Variants in IMMP2L observed in about 807,000 individuals in gnomAD.
IMMP2L encodes inner mitochondrial membrane peptidase subunit 2, also known as mitochondrial inner membrane protease subunit 2.
IMMP2L carries 18 observed loss-of-function variants against 19.3 expected under a neutral mutation model. That is an observed-to-expected ratio of 0.93 (90% CI 0.64 to 1.38). The LOEUF (loss-of-function observed/expected upper bound fraction) is 1.38. Ranked by LOEUF, IMMP2L falls within the 40% of genes most tolerant of loss-of-function variation. The probability of loss-of-function intolerance (pLI) is 0.00; values close to 1 mark genes in which losing one functional copy is unlikely to be tolerated. For synonymous variants in IMMP2L, 76 were observed against 73.0 expected, an observed-to-expected ratio of 1.04 and a Z score of -0.21; for missense variants, 233 against 218.2, an observed-to-expected ratio of 1.07 and a Z score of -0.43.
At chr7:111,190,039 G>A (rs1808703641) in intron 3 of IMMP2L, among the ~76,000 whole-genome samples, 1 of 152,044 alleles carries the variant, frequency 6.6e-6, no homozygotes, top group African/African-American at 2.4e-5. Context: ...ATGGCCAGTT[G>A]ACAGTATATA....
At chr7:111,351,732 A>G (rs1462059326) in intron 3 of IMMP2L, among the ~76,000 whole-genome samples, 1 of 152,196 alleles carries the variant, frequency 6.6e-6, no homozygotes, top group Non-Finnish European at 1.5e-5. Flanking sequence ...TAATTACATG[A>G]TCATTCTGTT....
At chr7:111,268,862 T>C (rs1818138224) in intron 3 of IMMP2L, among the ~76,000 whole-genome samples, 1 of 152,004 alleles carries the variant, frequency 6.6e-6, no homozygotes, top group South Asian at 2.1e-4. Context: ...AGCCTTCCAA[T>C]ACCTGGGATT....
Position 111,193,246 on chromosome 7 carries a change from G to A in IMMP2L, c.240-229681C>T, listed in dbSNP as rs189166018. 2.6e-5 allele frequency among the ~76,000 whole-genome samples: 4 copies of A among 152,256 alleles called. No individual in the cohort carries two copies. The East Asian group carries it at 5.8e-4, about 22-fold the overall frequency. On this transcript the variant is annotated intron_variant, in intron 3 of 5. Transcript: ENST00000405709. ...TACAAAAGAAAGTCGATGGGTGTCT[G>A]TGCAAGCTCTTGCAGGAAGCAGGGA...
chr7:111,459,860 G>T (rs1266802054), intron 3 of IMMP2L, among the ~76,000 whole-genome samples: 1 of 152,140 alleles, frequency 6.6e-6, no homozygotes, highest in East Asian at 1.9e-4. Context: ...TCATTCCTAA[G>T]AAAGAATATG....
intron 4 of IMMP2L, among the ~76,000 whole-genome samples, chr7:110,926,527 T>C (rs997620521): frequency 4.6e-5 from 7 of 152,148 alleles, no homozygotes; most frequent in African/African-American, 1.7e-4. Context: ...ATCTCTTTCA[T>C]GCCTAAGTCT....
At chr7:111,470,813 C>T (rs545380078) in intron 3 of IMMP2L, among the ~76,000 whole-genome samples, 147 of 150,866 alleles carry the variant, frequency 9.7e-4, no homozygotes, top group African/African-American at 3.5e-3. Context: ...CAGCATGGCA[C>T]ATGTATACAT....
At chr7:111,343,539 C>T (rs1827236190) in intron 3 of IMMP2L, among the ~76,000 whole-genome samples, 1 of 152,078 alleles carries the variant, frequency 6.6e-6, no homozygotes, top group South Asian at 2.1e-4. Flanking sequence ...GTGCTTCACT[C>T]CTTCAGCAAC....
At chr7:111,214,618 G>A (rs1811734418) in intron 3 of IMMP2L, among the ~76,000 whole-genome samples, 1 of 149,472 alleles carries the variant, frequency 6.7e-6, no homozygotes, top group African/African-American at 2.5e-5. Context: ...CTCCCAAAGT[G>A]CAGGGATTAC....
intron 3 of IMMP2L, among the ~76,000 whole-genome samples, chr7:111,202,446 G>A (rs1810247347): frequency 6.6e-6 from 1 of 152,092 alleles, no homozygotes; most frequent in South Asian, 2.1e-4. Context: ...TCCCATGGAG[G>A]CCTATCATTT....
chr7:111,202,013 T>C (rs1451508208), intron 3 of IMMP2L, among the ~76,000 whole-genome samples: 1 of 152,160 alleles, frequency 6.6e-6, no homozygotes, highest in Non-Finnish European at 1.5e-5. Flanking sequence ...CAAATAGATA[T>C]TAACCAAGCC....
chr7:111,123,994 C>T lies in IMMP2L; in HGVS notation c.240-160429G>A, dbSNP rs753308110. On this transcript the variant is annotated intron_variant, in intron 3 of 5. Coordinates refer to ENST00000405709, the MANE Select transcript of IMMP2L (RefSeq NM_032549.4). The surrounding 1 kb of genome is among the most constrained non-coding windows in gnomAD (Gnocchi z 6.4). ...ACCTGAATTCCAAGGTCAGAATGTT[C>T]GGCAAGTGCATTTCAGGGACATGAT... 33 of 1,613,848 alleles carry T rather than the reference C, an allele frequency of 2.0e-5. No individual in the cohort carries two copies. The highest frequency in any genetic ancestry group is 4.5e-5 in the East Asian group (2 of 44,872).
chr7:111,016,886 T>TATAATATATTAC (rs1825735003), intron 3 of IMMP2L, among the ~76,000 whole-genome samples: 1 of 90,394 alleles, frequency 1.1e-5, no homozygotes, highest in Non-Finnish European at 2.0e-5. Flanking sequence ...ATATATATTA[T>TATAATATATTAC]ATATAATATA....
intron 3 of IMMP2L, among the ~76,000 whole-genome samples, chr7:111,378,091 TA>T (rs201887133): frequency 6.6e-6 from 1 of 151,700 alleles, no homozygotes; most frequent in Non-Finnish European, 1.5e-5. Flanking sequence ...TTAGATAATA[TA>T]AAAAAAACTG....
chr7:111,309,449 G>T (rs953351593), intron 3 of IMMP2L, among the ~76,000 whole-genome samples: 4 of 152,012 alleles, frequency 2.6e-5, no homozygotes, highest in Non-Finnish European at 4.4e-5. Context: ...GCTCCCAAAG[G>T]TCCATAAGGA....
intron 5 of IMMP2L, among the ~76,000 whole-genome samples, chr7:110,883,823 A>G (rs556120098): frequency 1.1e-3 from 163 of 152,218 alleles, no homozygotes; most frequent in African/African-American, 3.7e-3. Context: ...GGAAACAGTG[A>G]AAGTATCTCA....
intron 3 of IMMP2L, among the ~76,000 whole-genome samples, chr7:111,285,180 A>T (rs146858417): frequency 2.2e-3 from 333 of 152,316 alleles, no homozygotes; most frequent in African/African-American, 6.9e-3. Flanking sequence ...GAGGAAATGA[A>T]GGAACACAAG....
intron 5 of IMMP2L, among the ~76,000 whole-genome samples, chr7:110,817,738 C>A (rs1802659432): frequency 1.3e-5 from 2 of 152,116 alleles, no homozygotes; most frequent in African/African-American, 4.8e-5. Flanking sequence ...GTAACCAAAA[C>A]AGCATGGTAC....
intron 4 of IMMP2L, among the ~76,000 whole-genome samples, chr7:110,951,760 C>G (rs1438495021): frequency 6.6e-6 from 1 of 152,012 alleles, no homozygotes; most frequent in Non-Finnish European, 1.5e-5. Flanking sequence ...CTATATCATG[C>G]TATTCTTCAT....
At chr7:111,352,732 C>T (rs148247353) in intron 3 of IMMP2L, among the ~76,000 whole-genome samples, 15 of 152,220 alleles carry the variant, frequency 9.9e-5, no homozygotes, top group Middle Eastern at 3.4e-3. Flanking sequence ...CGCATGGTAT[C>T]GGTGAGAGGC....
Sources: allele counts gnomAD v4.1 joint callset (sites outside exome capture counted in the v4.1 genomes callset), GRCh38; gene constraint gnomAD v4.1.1; non-coding constraint Gnocchi (gnomAD v3.1); transcripts MANE v1.5; gene names NCBI Gene and HGNC (gene_info 2026-07-23, HGNC 2026-07-21).